The following APC2 variants were observed in gnomAD, a reference collection of about 807,000 sequenced individuals.
The protein encoded by APC2 is APC regulator of Wnt signaling pathway 2.
A neutral mutation model predicts 72.5 loss-of-function variants in APC2; 41 were observed. That is an observed-to-expected ratio of 0.57 (90% CI 0.44 to 0.73). The LOEUF (loss-of-function observed/expected upper bound fraction) is 0.73, where lower values mean the gene tolerates loss of function less well. Among genes scored for constraint, APC2 ranks in the 30% least tolerant of loss-of-function variants. The probability of loss-of-function intolerance (pLI) is 0.00; values close to 1 mark genes in which losing one functional copy is unlikely to be tolerated. For missense variants in APC2, 3,729 were observed against 3,403.4 expected (o/e 1.10, Z -2.38); for synonymous variants, 1,898 against 1,612.0 (o/e 1.18, Z -4.25).
chr19:1,453,181 G>A (rs1187428548), intron 2 of APC2, 39 bp downstream of exon 2: 2 of 1,577,626 alleles, frequency 1.3e-6, no homozygotes, highest in South Asian at 2.3e-5. Flanking sequence ...AGGGTCCCGG[G>A]GTGGTGCCCC....
In APC2 at chr19:1,466,013, G is replaced by A. The variant is rs776326268; in HGVS notation, c.2712G>A (p.Glu904=). ...PCRGPEGGRR[E]AGSRAHPLLR... ...GCGGCCCGGAGGGCGGGCGGCGAGA[G>A]GCAGGAAGCCGGGCGCACCCGCTGC... Residue 904 remains glutamate (E), a synonymous_variant, in exon 15 of 15, where the codon GAG becomes GAA. Transcript: ENST00000590469. The A allele has an allele frequency of 1.3e-6, 2 of 1,499,616 alleles. No individual in the cohort carries two copies. Among genetic ancestry groups the A allele is most frequent in the South Asian group, 2.6e-5 (2 of 77,362 alleles). The allele number at this position is 1,499,616 out of a possible 1,614,324, so 92.9% of individuals were successfully genotyped here.
chr19:1,446,238 C>A (rs2083686452), upstream of APC2: 2 of 982,978 alleles, frequency 2.0e-6, no homozygotes, highest in Non-Finnish European at 2.4e-6. This position sits in a 1 kb window ranked among gnomAD's most constrained non-coding sequence, Gnocchi z 6.1. Context: ...GCACCCCCAC[C>A]CTGGCCGCCG....
At chr19:1,455,708 G>A (rs962704881) in intron 6 of APC2, among the ~76,000 whole-genome samples, 1 of 152,048 alleles carries the variant, frequency 6.6e-6, no homozygotes, top group African/African-American at 2.4e-5. Context: ...CTGAGCACAA[G>A]GGCGGTGGGG....
At position 1,455,130 on chromosome 19, in the gene APC2, C is replaced by G. The variant is rs757703522; in HGVS notation, c.414-19C>G. 5.2e-6 allele frequency: 8 copies of G among 1,537,654 alleles called. No individual in the cohort carries two copies. Among genetic ancestry groups the G allele is most frequent in the Admixed American group, 2.2e-5 (1 of 44,926 alleles). On this transcript the variant is annotated intron_variant, in intron 4 of 14. Transcript: ENST00000590469. ...ACGGCGCCGCCCTCTGAGCCCGCCC[C>G]CGCTGACTTGCTCCCCAGGTGTTTC...
chr19:1,446,947 G>A (rs971976383), upstream of APC2, among the ~76,000 whole-genome samples: 1 of 152,210 alleles, frequency 6.6e-6, no homozygotes, highest in African/African-American at 2.4e-5. This position sits in a 1 kb window ranked among gnomAD's most constrained non-coding sequence, Gnocchi z 6.1. Flanking sequence ...GGGAGCCCAA[G>A]GTCACGCTTC....
chr19:1,453,379 G>A, intron 3 of APC2, 42 bp downstream of exon 3: 1 of 1,611,332 alleles, frequency 6.2e-7, no homozygotes. Flanking sequence ...GGGGAGGCTG[G>A]GGGGAAAGGC....
Position 1,465,777 on chromosome 19 carries a change from G to A in APC2, c.2476G>A (p.Gly826Ser), listed in dbSNP as rs764485552. 7.0e-6 allele frequency: 11 copies of A among 1,568,698 alleles called. No homozygotes were observed. The highest frequency in any genetic ancestry group is 4.7e-5 in the East Asian group (2 of 42,972). Residue 826 changes from glycine to serine, a missense_variant, in exon 15 of 15, where the codon GGC becomes AGC. Transcript: ENST00000590469. ...LARTPPTRRG[G>S]KEAEKDTSGE... ...TCGCACCCCGCCCACCCGCCGAGGC[G>A]GCAAGGAGGCAGAGAAGGACACCAG...
Position 1,466,352 on chromosome 19 carries a change from G to C in APC2, c.3051G>C (p.Ala1017=). 5 of 1,562,676 alleles carry C rather than the reference G, an allele frequency of 3.2e-6. No individual in the cohort carries two copies. The highest frequency in any genetic ancestry group is 4.3e-6 in the Non-Finnish European group (5 of 1,157,388). ...GASRAGAEPL[A]GPGISPGARK... ...CAAGGGCGGGTGCAGAGCCCCTCGC[G>C]GGGCCTGGAATCTCTCCAGGGGCCC... The change falls in exon 15 of 15, where the codon GCG becomes GCC. Residue 1017 remains alanine (A), a synonymous_variant. Coordinates refer to ENST00000590469, the MANE Select transcript of APC2 (RefSeq NM_005883.3).
At chr19:1,455,785 G>A (rs2083813548) in intron 6 of APC2, among the ~76,000 whole-genome samples, 1 of 152,128 alleles carries the variant, frequency 6.6e-6, no homozygotes, top group African/African-American at 2.4e-5. Flanking sequence ...GGCCTAGAAG[G>A]ACGAGGTCTA....
intron 4 of APC2, 35 bp from the exon 5 acceptor site, chr19:1,455,114 C>A: frequency 7.1e-7 from 1 of 1,410,484 alleles, no homozygotes; most frequent in Non-Finnish European, 9.6e-7. Context: ...CACGGCGCCG[C>A]CCTCTGAGCC....
At chr19:1,449,239 T>C (rs777709511), upstream of APC2, among the ~76,000 whole-genome samples, 3 of 152,194 alleles carry the variant, frequency 2.0e-5, no homozygotes, top group Non-Finnish European at 4.4e-5. Flanking sequence ...AAAATCACTC[T>C]TCTGGCCCCA....
chr19:1,465,906 G>A lies in APC2; in HGVS notation c.2605G>A (p.Asp869Asn), dbSNP rs1487823764. 6.3e-7 allele frequency: 1 copy of A among 1,582,408 alleles called. No individual in the cohort carries two copies. Residue 869 changes from aspartate to asparagine, a missense_variant, in exon 15 of 15, where the codon GAC becomes AAC. Transcript: ENST00000590469. ...EDISALHTSS[D>N]DSFSLSSGDP... Reference sequence around the variant, plus strand: ...CATCTCCGCCCTGCACACCTCGTCCGACGATAGCTTCAGCCTCAGCTCTGG... The same window carrying A: ...CATCTCCGCCCTGCACACCTCGTCCAACGATAGCTTCAGCCTCAGCTCTGG...
At position 1,468,353 on chromosome 19, in the gene APC2, G is replaced by C. The variant is rs780617453; in HGVS notation, c.5052G>C (p.Val1684=). The C allele has an allele frequency of 3.8e-6, 6 of 1,568,328 alleles. No individual in the cohort carries two copies. The Admixed American group carries it at 1.1e-4, about 28-fold the overall frequency. The change falls in exon 15 of 15, where the codon GTG becomes GTC. Residue 1684 remains valine, a synonymous_variant. Coordinates refer to ENST00000590469, the MANE Select transcript of APC2 (RefSeq NM_005883.3). The stretch of plus-strand genomic sequence containing the variant: ...ACCGGGCCTCCGACCTGGATAGCGT[G>C]GAGTGGCGCGCCATCCAGGAGGGCG... ...GSDRASDLDS[V]EWRAIQEGAN...
At position 1,466,303 on chromosome 19, in the gene APC2, A is replaced by C. The variant is rs766352795; in HGVS notation, c.3002A>C (p.His1001Pro). 4.5e-6 allele frequency: 7 copies of C among 1,540,034 alleles called. No individual in the cohort carries two copies. The highest frequency in any genetic ancestry group is 6.1e-6 in the Non-Finnish European group (7 of 1,147,420). The change falls in exon 15 of 15, where the codon CAC becomes CCC. Residue 1001 changes from histidine (H) to proline (P), a missense_variant. His to Pro is a moderately conservative substitution (Grantham distance 77, BLOSUM62 -2). Coordinates refer to ENST00000590469, the MANE Select transcript of APC2 (RefSeq NM_005883.3). ...RTIKLSPTYQ[H>P]VPLLEGASRA... ...ATCAAGCTGTCGCCTACCTATCAGC[A>C]CGTGCCACTGCTTGAGGGTGCCTCA... is the stretch of plus-strand genomic sequence containing the variant.
rs997490343 is a variant in APC2, at chr19:1,465,236, G to A, written c.1935G>A (p.Ala645=). 16 of 1,610,280 alleles carry A rather than the reference G, an allele frequency of 9.9e-6. No homozygotes were observed. The highest frequency in any genetic ancestry group is 1.3e-5 in the African/African-American group (1 of 74,896). The stretch of plus-strand genomic sequence containing the variant: ...ACAGCCTGACCATCGTGAGCAACGC[G>A]TGCGGCACGCTCTGGAACCTGTCGG... ...TSHSLTIVSN[A]CGTLWNLSAR... Residue 645 remains alanine (A), a synonymous_variant, in exon 15 of 15, where the codon GCG becomes GCA. Coordinates refer to ENST00000590469, the MANE Select transcript of APC2 (RefSeq NM_005883.3).
rs2083773796 is a variant in APC2 at position 1,453,579 on chromosome 19, C to T, written c.381C>T (p.Thr127=). ...KDSFGELSRA[T]IRLLEELDRE... is the part of the protein sequence containing the mutation. ...GCTTTGGGGAGCTGAGCCGGGCCACCATCCGGCTGCTGGAGGAACTGGACC... is the reference window on the plus strand; with the variant it reads ...GCTTTGGGGAGCTGAGCCGGGCCACTATCCGGCTGCTGGAGGAACTGGACC... The change falls in exon 4 of 15, where the codon ACC becomes ACT. Residue 127 remains threonine, a synonymous_variant. Transcript: ENST00000590469. 1.9e-6 allele frequency: 3 copies of T among 1,608,130 alleles called. No homozygotes were observed. The highest frequency in any genetic ancestry group is 2.5e-6 in the Non-Finnish European group (3 of 1,178,046).
At chr19:1,446,344 A>G (rs935032736), upstream of APC2, 2 of 985,096 alleles carry the variant, frequency 2.0e-6, no homozygotes, top group African/African-American at 3.5e-5. This position sits in a 1 kb window ranked among gnomAD's most constrained non-coding sequence, Gnocchi z 6.1. Context: ...GGGACCAGGT[A>G]GGGCGCGTGG....
rs1221686338 is a variant in APC2 at position 1,468,406 on chromosome 19, A to G, written c.5105A>G (p.Gln1702Arg). 6 of 1,589,682 alleles carry G rather than the reference A, an allele frequency of 3.8e-6. No homozygotes were observed. The highest frequency in any genetic ancestry group is 3.4e-6 in the Non-Finnish European group (4 of 1,168,848). ...AATTCAATTGTCACGTGGCTGCACC[A>G]GGCAGCAGCTGCCACGCGGGAGGCC... ...GANSIVTWLHQAAAATREASS... is the reference protein window; with the variant it reads ...GANSIVTWLHRAAAATREASS... The change falls in exon 15 of 15, where the codon CAG (glutamine) becomes CGG (arginine). Residue 1702 changes from glutamine to arginine, a missense_variant. Gln to Arg is a conservative substitution (Grantham distance 43, BLOSUM62 1). Transcript: ENST00000590469.
chr19:1,453,404 A>C (rs1599131779), intron 3 of APC2, 27 bp from the exon 4 acceptor site: 1 of 1,607,118 alleles, frequency 6.2e-7, no homozygotes, highest in South Asian at 1.1e-5. Context: ...AGGGCCGCTG[A>C]CCTCCGCCCT....
Sources: gnomAD v4.1 joint callset for allele counts (sites outside exome capture counted in the v4.1 genomes callset) on GRCh38, gnomAD v4.1.1 for gene constraint, Gnocchi (gnomAD v3.1) non-coding constraint, MANE v1.5 for transcripts, NCBI Gene and HGNC (gene_info 2026-07-23, HGNC 2026-07-21) for gene names.